The following PELI2 variants were observed in gnomAD, a reference collection of about 807,000 sequenced individuals.
PELI2 encodes E3 ubiquitin-protein ligase pellino homolog 2.
Under a neutral mutation model 42.3 loss-of-function variants are expected in PELI2, and 23 were observed. The ratio of observed to expected loss-of-function variants is 0.54; its 90% confidence interval spans 0.39 to 0.77. The LOEUF (loss-of-function observed/expected upper bound fraction) is 0.77. PELI2 is among the 30% of genes least tolerant of loss of function. PELI2 has a pLI of 0.00. For missense variants in PELI2, 463 were observed against 553.2 expected (o/e 0.84, Z 1.64); for synonymous variants, 245 against 212.2 (o/e 1.15, Z -1.34).
intron 2 of PELI2, among the ~76,000 whole-genome samples, chr14:56,199,106 C>T (rs185853202): frequency 5.5e-4 from 84 of 152,024 alleles, no homozygotes; most frequent in Admixed American, 3.3e-3. Flanking sequence ...TGTATCTTTC[C>T]CCCTTCCTCC....
chr14:56,251,522 T>C (rs1888343726), intron 2 of PELI2, among the ~76,000 whole-genome samples: 1 of 152,220 alleles, frequency 6.6e-6, no homozygotes, highest in Admixed American at 6.5e-5. Context: ...TTCGTTATTG[T>C]TACCCTGTTG....
At chr14:56,192,139 G>A (rs1885968828) in intron 2 of PELI2, among the ~76,000 whole-genome samples, 2 of 152,212 alleles carry the variant, frequency 1.3e-5, no homozygotes, top group Non-Finnish European at 2.9e-5. Flanking sequence ...ACAGGTGTGA[G>A]CCACCGCACT....
At chr14:56,198,003 CACA>C (rs1886196576) in intron 2 of PELI2, among the ~76,000 whole-genome samples, 3 of 134,718 alleles carry the variant, frequency 2.2e-5, no homozygotes, top group African/African-American at 7.7e-5. Context: ...CACACACACA[CACA>C]CACACACCCA....
intron 1 of PELI2, among the ~76,000 whole-genome samples, chr14:56,130,601 C>T (rs1054520674): frequency 3.0e-4 from 46 of 152,120 alleles, no homozygotes; most frequent in Admixed American, 2.9e-3. Context: ...CCCACATATG[C>T]GCTTTGCCCA....
intron 2 of PELI2, among the ~76,000 whole-genome samples, chr14:56,258,359 T>C (rs1046269498): frequency 2.7e-5 from 4 of 149,512 alleles, no homozygotes; most frequent in African/African-American, 9.9e-5. Flanking sequence ...CTCATGGAAG[T>C]AGTAAAATAA....
intron 5 of PELI2, among the ~76,000 whole-genome samples, chr14:56,292,121 T>G (rs1889849236): frequency 6.6e-6 from 1 of 152,202 alleles, no homozygotes; most frequent in East Asian, 1.9e-4. Flanking sequence ...AATTTTACAG[T>G]GCGACTGAAA....
intron 2 of PELI2, among the ~76,000 whole-genome samples, chr14:56,193,549 A>G (rs1244964873): frequency 6.6e-6 from 1 of 152,210 alleles, no homozygotes; most frequent in Non-Finnish European, 1.5e-5. Context: ...GCTGCAAGCA[A>G]ATACTTAGTC....
chr14:56,128,140 T>C (rs1883346531), intron 1 of PELI2, among the ~76,000 whole-genome samples: 2 of 152,264 alleles, frequency 1.3e-5, no homozygotes, highest in South Asian at 4.1e-4. Context: ...CACTAAACAC[T>C]GATCATTCAG....
At chr14:56,138,618 C>G (rs1408540327) in intron 1 of PELI2, among the ~76,000 whole-genome samples, 1 of 152,078 alleles carries the variant, frequency 6.6e-6, no homozygotes, top group Non-Finnish European at 1.5e-5. Context: ...AAGAAAAAGT[C>G]AGATCTACGA....
At chr14:56,278,341 A>G (rs1273206199) in intron 2 of PELI2, among the ~76,000 whole-genome samples, 1 of 152,180 alleles carries the variant, frequency 6.6e-6, no homozygotes, top group Non-Finnish European at 1.5e-5. Context: ...TTGTGAAATG[A>G]TTACCACAAA....
At chr14:56,195,748 G>A (rs1886107748) in intron 2 of PELI2, among the ~76,000 whole-genome samples, 1 of 152,186 alleles carries the variant, frequency 6.6e-6, no homozygotes, top group African/African-American at 2.4e-5. Flanking sequence ...GTTAAGTTTG[G>A]GAGCGGTTCT....
At chr14:56,140,718 A>G (rs1025778567) in intron 1 of PELI2, among the ~76,000 whole-genome samples, 1 of 152,202 alleles carries the variant, frequency 6.6e-6, no homozygotes, top group African/African-American at 2.4e-5. Flanking sequence ...TATCCCAAGG[A>G]CTTAATAGTG....
At chr14:56,130,539 G>A (rs1255767411) in intron 1 of PELI2, among the ~76,000 whole-genome samples, 1 of 152,038 alleles carries the variant, frequency 6.6e-6, no homozygotes, top group Non-Finnish European at 1.5e-5. Context: ...CCAGTAAGGT[G>A]AAATGTTTTT....
chr14:56,143,896 A>G (rs1566604022), intron 1 of PELI2, among the ~76,000 whole-genome samples: 2 of 152,124 alleles, frequency 1.3e-5, no homozygotes, highest in Admixed American at 6.5e-5. Context: ...TTATTGGAAG[A>G]TGATATTTAG....
chr14:56,255,290 A>C (rs961074124), intron 2 of PELI2, among the ~76,000 whole-genome samples: 1 of 152,336 alleles, frequency 6.6e-6, no homozygotes, highest in South Asian at 2.1e-4. Flanking sequence ...TATACACCAT[A>C]GAATACTATG....
intron 2 of PELI2, among the ~76,000 whole-genome samples, chr14:56,217,752 A>G (rs1886962557): frequency 6.6e-6 from 1 of 152,154 alleles, no homozygotes; most frequent in African/African-American, 2.4e-5. Flanking sequence ...TTTGACAGTC[A>G]TCTCTCTGTT....
At chr14:56,220,297 C>T (rs1268515994) in intron 2 of PELI2, among the ~76,000 whole-genome samples, 1 of 152,104 alleles carries the variant, frequency 6.6e-6, no homozygotes, top group African/African-American at 2.4e-5. Context: ...GGCACACCAG[C>T]AGGGGTGTGT....
At chr14:56,163,665 A>T (rs772110009) in intron 1 of PELI2, among the ~76,000 whole-genome samples, 42 of 152,174 alleles carry the variant, frequency 2.8e-4, no homozygotes, top group Non-Finnish European at 5.0e-4. Context: ...TGCTTTGGGT[A>T]GTATGGACAT....
rs762998206 is a variant in PELI2, at chr14:56,220,813, C to T, written c.207+42349C>T. On this transcript the variant is annotated intron_variant, in intron 2 of 5. Transcript: ENST00000267460. ...GGGGAGTAGGAAGGAGGAAATGCCG[C>T]GAAATGGTGCCAACTTGTTTGACTA... Among the ~76,000 whole-genome samples, 41 of 152,100 alleles carry T rather than the reference C, an allele frequency of 2.7e-4. 1 individual carries two copies. The highest frequency in any genetic ancestry group is 3.9e-4 in the African/African-American group (16 of 41,488).
Sources: allele counts gnomAD v4.1 joint callset (sites outside exome capture counted in the v4.1 genomes callset), GRCh38; gene constraint gnomAD v4.1.1; transcripts MANE v1.5; gene names NCBI Gene and HGNC (gene_info 2026-07-23, HGNC 2026-07-21).